ZDHHC17: variants seen among roughly 807,000 people sequenced by gnomAD.
The protein encoded by ZDHHC17 is zDHHC palmitoyltransferase 17, also known as palmitoyltransferase ZDHHC17.
A neutral mutation model predicts 90.3 loss-of-function variants in ZDHHC17; 40 were observed. That is an observed-to-expected ratio of 0.44 (90% CI 0.34 to 0.58). ZDHHC17 has a LOEUF of 0.58. Among genes scored for constraint, ZDHHC17 ranks in the 20% least tolerant of loss-of-function variants. The pLI, the probability that ZDHHC17 is intolerant of heterozygous loss-of-function variation, is 0.01. For missense variants in ZDHHC17, 614 were observed against 780.8 expected, an observed-to-expected ratio of 0.79 and a Z score of 2.55; for synonymous variants, 235 against 252.4, an observed-to-expected ratio of 0.93 and a Z score of 0.65.
chr12:76,842,472 A>G (rs1953446693), intron 11 of ZDHHC17, among the ~76,000 whole-genome samples: 1 of 152,204 alleles, frequency 6.6e-6, no homozygotes, highest in Non-Finnish European at 1.5e-5. Flanking sequence ...TAGTGCAGGT[A>G]CACCATCCCA....
intron 1 of ZDHHC17, among the ~76,000 whole-genome samples, chr12:76,790,152 CT>C (rs532938579): frequency 6.6e-6 from 1 of 151,740 alleles, no homozygotes; most frequent in African/African-American, 2.4e-5. Context: ...AAAAATGAAG[CT>C]TTTTTTTAAA....
intron 12 of ZDHHC17, chr12:76,844,233 A>G (rs1953467550): frequency 6.6e-6 from 1 of 152,180 alleles, no homozygotes; most frequent in African/African-American, 2.4e-5. Context: ...TAATTTTGTC[A>G]TCATAGCATA....
At chr12:76,788,115 A>T (rs1221884010) in intron 1 of ZDHHC17, among the ~76,000 whole-genome samples, 1 of 152,220 alleles carries the variant, frequency 6.6e-6, no homozygotes, top group Non-Finnish European at 1.5e-5. Flanking sequence ...TATGCTACAC[A>T]TACATTGTGG....
At chr12:76,839,594 C>A (rs1953407708) in intron 10 of ZDHHC17, among the ~76,000 whole-genome samples, 3 of 151,932 alleles carry the variant, frequency 2.0e-5, no homozygotes, top group Admixed American at 6.6e-5. Flanking sequence ...AAACATCCAA[C>A]TAGATTAAAG....
intron 3 of ZDHHC17, among the ~76,000 whole-genome samples, chr12:76,808,578 A>G (rs976531501): frequency 2.6e-5 from 4 of 152,246 alleles, no homozygotes; most frequent in Non-Finnish European, 4.4e-5. Context: ...TAAAGGCACA[A>G]GAAATAACAA....
chr12:76,830,214 T>G (rs549186638), intron 10 of ZDHHC17, among the ~76,000 whole-genome samples: 1 of 152,352 alleles, frequency 6.6e-6, no homozygotes. Flanking sequence ...CAGCTTTTGG[T>G]GACTTGTAAC....
At chr12:76,835,367 G>A (rs2137795723) in intron 10 of ZDHHC17, among the ~76,000 whole-genome samples, 1 of 152,106 alleles carries the variant, frequency 6.6e-6, no homozygotes, top group East Asian at 1.9e-4. Flanking sequence ...ACGCCATTTT[G>A]ATTGAAATTC....
chr12:76,775,000 T>A (rs77656007), intron 1 of ZDHHC17, among the ~76,000 whole-genome samples: 103 of 152,300 alleles, frequency 6.8e-4, no homozygotes, highest in African/African-American at 2.2e-3. Context: ...TAATTTTTTT[T>A]ATATTTTTAG....
intron 1 of ZDHHC17, among the ~76,000 whole-genome samples, chr12:76,787,458 A>C (rs1476876113): frequency 6.6e-6 from 1 of 152,356 alleles, no homozygotes; most frequent in African/African-American, 2.4e-5. Context: ...ATGATTGAAC[A>C]GCTTTATGAT....
intron 1 of ZDHHC17, among the ~76,000 whole-genome samples, chr12:76,779,631 A>G (rs1481420273): frequency 6.6e-6 from 1 of 152,198 alleles, no homozygotes; most frequent in East Asian, 1.9e-4. Flanking sequence ...GCCAAACCAC[A>G]TCAGCCTCAT....
intron 1 of ZDHHC17, among the ~76,000 whole-genome samples, chr12:76,788,754 T>A: frequency 7.2e-6 from 1 of 138,988 alleles, no homozygotes; most frequent in African/African-American, 2.7e-5. Context: ...TGGAGTGCAG[T>A]GGCATGATCT....
chr12:76,846,694 T>C lies in ZDHHC17; in HGVS notation c.1507+15T>C, dbSNP rs1953498892. 6.3e-7 allele frequency: 1 copy of C among 1,580,086 alleles called. No homozygotes were observed. The highest frequency in any genetic ancestry group is 8.6e-7 in the Non-Finnish European group (1 of 1,158,208). On this transcript the variant is annotated intron_variant, in intron 14 of 16. Coordinates refer to ENST00000426126, the MANE Select transcript of ZDHHC17 (RefSeq NM_015336.4). ...TTGTATATCTTGTGAGTACAATTAG[T>C]TTTCGGTCTTTTTAAAACAAATTTC...
chr12:76,808,331 C>G (rs1952978220), intron 3 of ZDHHC17, among the ~76,000 whole-genome samples: 1 of 152,136 alleles, frequency 6.6e-6, no homozygotes. Context: ...ACTTCAGAAG[C>G]TATCAAGATG....
intron 2 of ZDHHC17, among the ~76,000 whole-genome samples, chr12:76,803,314 T>C (rs538913622): frequency 6.6e-6 from 1 of 152,282 alleles, no homozygotes; most frequent in East Asian, 1.9e-4. Flanking sequence ...CTTAGATGAT[T>C]TTGTTCAGAG....
At chr12:76,838,260 T>C (rs1029497230) in intron 10 of ZDHHC17, among the ~76,000 whole-genome samples, 2 of 152,202 alleles carry the variant, frequency 1.3e-5, no homozygotes, top group African/African-American at 4.8e-5. Flanking sequence ...ACTGGGTTAT[T>C]TGCTTTGTGA....
intron 1 of ZDHHC17, among the ~76,000 whole-genome samples, chr12:76,791,639 T>C (rs1952760666): frequency 6.6e-6 from 1 of 152,166 alleles, no homozygotes; most frequent in African/African-American, 2.4e-5. Flanking sequence ...ACAATATTCC[T>C]GAACTCACTA....
intron 1 of ZDHHC17, among the ~76,000 whole-genome samples, chr12:76,796,862 A>C (rs1437957988): frequency 6.6e-6 from 1 of 152,190 alleles, no homozygotes; most frequent in Non-Finnish European, 1.5e-5. Context: ...TGTGGAGCTG[A>C]AGATTAGTTT....
chr12:76,773,190 C>G (rs1485733185), intron 1 of ZDHHC17, among the ~76,000 whole-genome samples: 1 of 152,108 alleles, frequency 6.6e-6, no homozygotes, highest in East Asian at 1.9e-4. Context: ...TAATGTGTGT[C>G]CGCCATTATG....
At chr12:76,821,238 G>A in intron 7 of ZDHHC17, 3 of 829,784 alleles carry the variant, frequency 3.6e-6, no homozygotes, top group Middle Eastern at 2.8e-4. Flanking sequence ...AATAGGTAAG[G>A]CAATATTTTA....
Sources: gnomAD v4.1 joint callset for allele counts (sites outside exome capture counted in the v4.1 genomes callset) on GRCh38, gnomAD v4.1.1 for gene constraint, MANE v1.5 for transcripts, NCBI Gene and HGNC (gene_info 2026-07-23, HGNC 2026-07-21) for gene names.